Variants in ZMAT4 observed in about 807,000 individuals in gnomAD.
ZMAT4 encodes the protein zinc finger matrin-type 4.
In ZMAT4, 17 loss-of-function variants were observed where a neutral mutation model predicts 28.7. That is an observed-to-expected ratio of 0.59 (90% CI 0.41 to 0.89). The LOEUF is 0.89. Ranked by LOEUF, ZMAT4 falls within the 40% of genes least tolerant of loss-of-function variation. ZMAT4 has a pLI of 0.00. For synonymous variants in ZMAT4, 117 were observed against 109.2 expected (o/e 1.07, Z -0.44); for missense variants, 240 against 283.8 (o/e 0.85, Z 1.11).
intron 6 of ZMAT4, among the ~76,000 whole-genome samples, chr8:40,548,775 G>A (rs1233878301): frequency 1.3e-5 from 2 of 152,106 alleles, no homozygotes; most frequent in Non-Finnish European, 1.5e-5. Flanking sequence ...CAGGAATGAG[G>A]CTGATAGAAT....
chr8:40,741,378 C>A (rs184738793), intron 3 of ZMAT4, among the ~76,000 whole-genome samples: 1 of 149,050 alleles, frequency 6.7e-6, no homozygotes, highest in East Asian at 2.0e-4. Context: ...ACCTAGGGGG[C>A]AGAGGTTGCA....
intron 1 of ZMAT4, among the ~76,000 whole-genome samples, chr8:40,865,463 G>T (rs151317490): frequency 1.3e-5 from 2 of 152,202 alleles, no homozygotes; most frequent in South Asian, 4.1e-4. Context: ...CTTCCAGGCA[G>T]GATGTGGCTT....
At chr8:40,819,006 C>T (rs1393289170) in intron 2 of ZMAT4, among the ~76,000 whole-genome samples, 1 of 152,156 alleles carries the variant, frequency 6.6e-6, no homozygotes, top group Non-Finnish European at 1.5e-5. Context: ...GACACTTACA[C>T]CTGATCTCCA....
At chr8:40,754,578 C>T (rs1000542409) in intron 3 of ZMAT4, among the ~76,000 whole-genome samples, 1 of 151,970 alleles carries the variant, frequency 6.6e-6, no homozygotes, top group Admixed American at 6.6e-5. Flanking sequence ...GTATTTGTAC[C>T]TGTATAACAA....
chr8:40,802,481 A>G (rs911448286), intron 2 of ZMAT4, among the ~76,000 whole-genome samples: 2 of 152,054 alleles, frequency 1.3e-5, no homozygotes, highest in Admixed American at 6.5e-5. Flanking sequence ...TTAGCACACA[A>G]AAACTTATTT....
chr8:40,844,768 A>G (rs1408231777), intron 1 of ZMAT4, among the ~76,000 whole-genome samples: 1 of 151,574 alleles, frequency 6.6e-6, no homozygotes, highest in Non-Finnish European at 1.5e-5. Context: ...TTCCAAAGTG[A>G]TCCCACATTC....
chr8:40,834,091 G>T (rs1023354510), intron 1 of ZMAT4, among the ~76,000 whole-genome samples: 1 of 152,202 alleles, frequency 6.6e-6, no homozygotes, highest in Non-Finnish European at 1.5e-5. Context: ...TATAAAACCA[G>T]GTTCTTTGAT....
At chr8:40,628,097 T>C (rs1261270339) in intron 5 of ZMAT4, among the ~76,000 whole-genome samples, 1 of 152,196 alleles carries the variant, frequency 6.6e-6, no homozygotes, top group Non-Finnish European at 1.5e-5. Context: ...TGTTAACTTA[T>C]CAAGATTTTC....
intron 2 of ZMAT4, among the ~76,000 whole-genome samples, chr8:40,776,940 G>A (rs3210746): frequency 9.6e-6 from 1 of 104,214 alleles, no homozygotes; most frequent in African/African-American, 3.7e-5. Context: ...TTTTTTTTTT[G>A]TAAAGTCATG....
intron 1 of ZMAT4, among the ~76,000 whole-genome samples, chr8:40,839,020 C>T (rs767314704): frequency 1.3e-5 from 2 of 152,144 alleles, no homozygotes; most frequent in African/African-American, 4.8e-5. Context: ...TCCAAATGTA[C>T]CCTGTACATA....
intron 4 of ZMAT4, among the ~76,000 whole-genome samples, chr8:40,695,650 T>C (rs1809850213): frequency 1.3e-5 from 2 of 152,238 alleles, no homozygotes; most frequent in Non-Finnish European, 2.9e-5. Flanking sequence ...GGCTAACAAA[T>C]TACACTCGAG....
At chr8:40,548,987 G>C (rs763615976) in intron 6 of ZMAT4, among the ~76,000 whole-genome samples, 27 of 152,152 alleles carry the variant, frequency 1.8e-4, no homozygotes, top group Non-Finnish European at 2.9e-4. Flanking sequence ...GAATTCATAT[G>C]TTGAAACGTA....
At chr8:40,723,135 T>C in intron 3 of ZMAT4, among the ~76,000 whole-genome samples, 1 of 152,136 alleles carries the variant, frequency 6.6e-6, no homozygotes, top group East Asian at 1.9e-4. Flanking sequence ...CCCAGAGCAT[T>C]GCCTATGAAT....
chr8:40,884,101 T>A (rs775699909), intron 1 of ZMAT4, among the ~76,000 whole-genome samples: 1 of 152,130 alleles, frequency 6.6e-6, no homozygotes, highest in Non-Finnish European at 1.5e-5. Flanking sequence ...TGGACTGAGG[T>A]CCTCGCTGTC....
At chr8:40,853,715 G>T (rs1238450263) in intron 1 of ZMAT4, among the ~76,000 whole-genome samples, 2 of 152,144 alleles carry the variant, frequency 1.3e-5, no homozygotes, top group Non-Finnish European at 2.9e-5. Flanking sequence ...TGATTTGGAT[G>T]AAGGCACCCA....
At chr8:40,572,033 TTTGA>T (rs1804115564) in intron 6 of ZMAT4, among the ~76,000 whole-genome samples, 1 of 152,190 alleles carries the variant, frequency 6.6e-6, no homozygotes, top group African/African-American at 2.4e-5. Context: ...TTATGATTTG[TTTGA>T]TTGTTTTCAA....
intron 4 of ZMAT4, among the ~76,000 whole-genome samples, chr8:40,675,724 G>A (rs1174070584): frequency 6.6e-6 from 1 of 152,116 alleles, no homozygotes; most frequent in Non-Finnish European, 1.5e-5. Flanking sequence ...TTGGTGACAT[G>A]GGTTGCATTA....
chr8:40,537,565 A>G (rs548890305), intron 6 of ZMAT4, among the ~76,000 whole-genome samples: 1 of 152,222 alleles, frequency 6.6e-6, no homozygotes, highest in African/African-American at 2.4e-5. Flanking sequence ...TCCTCTGCTT[A>G]TATAGAATTT....
intron 1 of ZMAT4, among the ~76,000 whole-genome samples, chr8:40,884,264 C>A (rs550513321): frequency 6.6e-6 from 1 of 151,452 alleles, no homozygotes; most frequent in Non-Finnish European, 1.5e-5. Context: ...AGGCCTCACT[C>A]CCTCACCCAC....
Sources: gnomAD v4.1 joint callset for allele counts (sites outside exome capture counted in the v4.1 genomes callset) on GRCh38, gnomAD v4.1.1 for gene constraint, MANE v1.5 for transcripts, NCBI Gene and HGNC (gene_info 2026-07-23, HGNC 2026-07-21) for gene names.